The following TRDN variants were observed in gnomAD, a reference collection of about 807,000 sequenced individuals.
TRDN encodes the protein triadin in skeletal muscle.
Under a neutral mutation model 149.7 loss-of-function variants are expected in TRDN, and 161 were observed. The observed-to-expected ratio is 1.08, with a 90% CI of 0.95 to 1.23. The LOEUF is 1.23. Among genes scored for constraint, TRDN ranks in the 50% most tolerant of loss-of-function variants. TRDN has a pLI of 0.00. For synonymous variants in TRDN, 294 were observed against 250.5 expected, an observed-to-expected ratio of 1.17 and a Z score of -1.64; for missense variants, 896 against 823.5, an observed-to-expected ratio of 1.09 and a Z score of -1.08.
chr6:123,457,245 G>A (rs372430931), intron 10 of TRDN, among the ~76,000 whole-genome samples: 8 of 146,606 alleles, frequency 5.5e-5, no homozygotes, highest in South Asian at 2.3e-4. Context: ...CCTGTTTCCC[G>A]CATCATGGGG....
At chr6:123,413,196 T>C (rs561689688) in intron 12 of TRDN, among the ~76,000 whole-genome samples, 1 of 152,222 alleles carries the variant, frequency 6.6e-6, no homozygotes. Context: ...TTCATCTTTC[T>C]GTTCTCAACA....
chr6:123,252,878 G>A (rs541807943), intron 37 of TRDN, among the ~76,000 whole-genome samples: 1 of 152,136 alleles, frequency 6.6e-6, no homozygotes, highest in South Asian at 2.1e-4. Flanking sequence ...AAATATTTAT[G>A]CTTTTAAAAT....
chr6:123,531,224 A>C (rs1489775179), intron 4 of TRDN, among the ~76,000 whole-genome samples: 4 of 152,022 alleles, frequency 2.6e-5, no homozygotes, highest in African/African-American at 2.4e-5. Context: ...ATTTACAGTT[A>C]ATTTGGATAG....
chr6:123,279,202 C>T (rs1182932488), intron 24 of TRDN, 120 bp from the exon 25 acceptor site: 2 of 778,200 alleles, frequency 2.6e-6, no homozygotes, highest in South Asian at 2.6e-5. Context: ...CCCCACCTAT[C>T]CTTTTTTGTT....
At chr6:123,450,611 C>A (rs1485287476) in intron 10 of TRDN, among the ~76,000 whole-genome samples, 5 of 152,060 alleles carry the variant, frequency 3.3e-5, no homozygotes, top group African/African-American at 1.2e-4. Context: ...CAATTACTAA[C>A]AGACCTAAGA....
intron 10 of TRDN, among the ~76,000 whole-genome samples, chr6:123,444,783 G>A (rs927720950): frequency 6.6e-6 from 1 of 152,128 alleles, no homozygotes; most frequent in Non-Finnish European, 1.5e-5. Context: ...ATAATTATGT[G>A]GTTTTTGTCT....
chr6:123,620,868 T>G (rs1037404556), intron 1 of TRDN, among the ~76,000 whole-genome samples: 1 of 152,116 alleles, frequency 6.6e-6, no homozygotes, highest in Non-Finnish European at 1.5e-5. Context: ...AAATTAAAGA[T>G]GATGTCCATT....
At chr6:123,513,621 G>A (rs547229227) in intron 6 of TRDN, among the ~76,000 whole-genome samples, 2 of 151,942 alleles carry the variant, frequency 1.3e-5, no homozygotes, top group Non-Finnish European at 2.9e-5. Context: ...CTATATTGAA[G>A]TTCATGGAAA....
intron 7 of TRDN, among the ~76,000 whole-genome samples, chr6:123,509,096 C>T (rs934948594): frequency 2.0e-5 from 3 of 151,716 alleles, no homozygotes; most frequent in Non-Finnish European, 4.4e-5. Flanking sequence ...TACATATATA[C>T]ACACATATAT....
chr6:123,513,512 A>T (rs1243346866), intron 6 of TRDN, among the ~76,000 whole-genome samples: 1 of 152,130 alleles, frequency 6.6e-6, no homozygotes, highest in Non-Finnish European at 1.5e-5. Context: ...AGATTATTTC[A>T]TTGAGTCAGA....
intron 38 of TRDN, among the ~76,000 whole-genome samples, chr6:123,224,398 C>T (rs1360138478): frequency 6.6e-6 from 1 of 151,708 alleles, no homozygotes; most frequent in Non-Finnish European, 1.5e-5. Flanking sequence ...ACCTCCAACA[C>T]CCACCCCCAG....
intron 18 of TRDN, among the ~76,000 whole-genome samples, chr6:123,377,468 A>C (rs181627433): frequency 9.2e-5 from 14 of 152,284 alleles, no homozygotes; most frequent in Admixed American, 9.2e-4. Context: ...CATTTCTAAT[A>C]ACATTTTGGG....
At chr6:123,499,717 A>ATATATATATATATAT (rs1204448159) in intron 8 of TRDN, among the ~76,000 whole-genome samples, 1 of 55,730 alleles carries the variant, frequency 1.8e-5, no homozygotes, top group Non-Finnish European at 4.3e-5. Context: ...AAAAAAAAAA[A>ATATATATATATATAT]AAATATATAT....
chr6:123,346,735 T>C (rs1262952801), intron 21 of TRDN, among the ~76,000 whole-genome samples: 2 of 152,022 alleles, frequency 1.3e-5, no homozygotes, highest in East Asian at 3.9e-4. Flanking sequence ...AGATATTTGT[T>C]GAGTGTCTCT....
At chr6:123,228,744 G>C (rs1337974125) in intron 38 of TRDN, among the ~76,000 whole-genome samples, 1 of 151,850 alleles carries the variant, frequency 6.6e-6, no homozygotes, top group Non-Finnish European at 1.5e-5. Flanking sequence ...TCTGATTCTA[G>C]TACCCATGCA....
intron 12 of TRDN, among the ~76,000 whole-genome samples, chr6:123,434,385 A>G (rs1393174679): frequency 6.6e-6 from 1 of 152,158 alleles, no homozygotes; most frequent in Non-Finnish European, 1.5e-5. Context: ...CAGATGAATG[A>G]TTTGGCAAAT....
chr6:123,511,185 A>C (rs767561868), intron 7 of TRDN, among the ~76,000 whole-genome samples: 1 of 152,178 alleles, frequency 6.6e-6, no homozygotes, highest in Non-Finnish European at 1.5e-5. Flanking sequence ...GTCTAGTTTC[A>C]TTCTTCTACA....
intron 16 of TRDN, among the ~76,000 whole-genome samples, chr6:123,380,691 T>A (rs1024859791): frequency 1.3e-5 from 2 of 151,032 alleles, no homozygotes; most frequent in East Asian, 3.9e-4. Flanking sequence ...TAATTTTTAA[T>A]AGTGTATTGA....
chr6:123,510,640 C>T (rs1779127460), intron 7 of TRDN, among the ~76,000 whole-genome samples: 1 of 85,984 alleles, frequency 1.2e-5, no homozygotes, highest in African/African-American at 4.0e-5. Flanking sequence ...TATGCATGAC[C>T]ACTTTTTTTT....
Sources: allele counts gnomAD v4.1 joint callset (sites outside exome capture counted in the v4.1 genomes callset), GRCh38; gene constraint gnomAD v4.1.1; transcripts MANE v1.5; gene names NCBI Gene and HGNC (gene_info 2026-07-23, HGNC 2026-07-21).